IQCJ: variants seen among roughly 807,000 people sequenced by gnomAD.
IQCJ encodes the protein IQ domain-containing protein J.
In IQCJ, 9 loss-of-function variants were observed where a neutral mutation model predicts 11.0. That is an observed-to-expected ratio of 0.82 (90% CI 0.49 to 1.43). The LOEUF is 1.43. IQCJ is among the 40% of genes most tolerant of loss of function. IQCJ has a pLI of 0.00. For missense variants in IQCJ, 146 were observed against 133.2 expected (o/e 1.10, Z -0.47); for synonymous variants, 55 against 51.3 (o/e 1.07, Z -0.31).
chr3:159,116,164 G>A (rs902144842), intron 1 of IQCJ, among the ~76,000 whole-genome samples: 1 of 152,078 alleles, frequency 6.6e-6, no homozygotes, highest in African/African-American at 2.4e-5. Context: ...GAGCCTGGGA[G>A]GTCAGGTTGT....
chr3:159,166,265 T>C (rs902471698), intron 1 of IQCJ, among the ~76,000 whole-genome samples: 4 of 152,220 alleles, frequency 2.6e-5, no homozygotes, highest in Admixed American at 2.6e-4. Context: ...CATCCATTTC[T>C]GTTTCCTGCT....
intron 3 of IQCJ, among the ~76,000 whole-genome samples, chr3:159,255,452 TG>T (rs1727843700): frequency 6.6e-6 from 1 of 152,156 alleles, no homozygotes; most frequent in African/African-American, 2.4e-5. Context: ...AATCCCAGGA[TG>T]GGGTCAGAAT....
intron 2 of IQCJ, among the ~76,000 whole-genome samples, chr3:159,248,758 T>C (rs1450322368): frequency 6.6e-6 from 1 of 152,230 alleles, no homozygotes; most frequent in Non-Finnish European, 1.5e-5. Context: ...TTTCACTTAT[T>C]CAATAATCTC....
chr3:159,132,049 G>A (rs915358585), intron 1 of IQCJ, among the ~76,000 whole-genome samples: 1 of 152,072 alleles, frequency 6.6e-6, no homozygotes, highest in Non-Finnish European at 1.5e-5. Context: ...CTGACCCATA[G>A]ATCCTCACCC....
intron 1 of IQCJ, among the ~76,000 whole-genome samples, chr3:159,199,335 T>G (rs1724177768): frequency 6.6e-6 from 1 of 152,158 alleles, no homozygotes; most frequent in Non-Finnish European, 1.5e-5. Context: ...TGATGCACTA[T>G]TGTCTTTAAA....
intron 1 of IQCJ, among the ~76,000 whole-genome samples, chr3:159,118,878 G>A (rs1462291323): frequency 6.6e-6 from 1 of 152,130 alleles, no homozygotes. Context: ...TTGATAAAAT[G>A]ATCATTATCA....
chr3:159,235,380 T>C (rs1321176405), intron 1 of IQCJ, among the ~76,000 whole-genome samples: 1 of 152,218 alleles, frequency 6.6e-6, no homozygotes, highest in Non-Finnish European at 1.5e-5. Flanking sequence ...CTTCATTCTA[T>C]AATGATAGTT....
At chr3:159,071,037 T>C (rs1200728613) in intron 1 of IQCJ, among the ~76,000 whole-genome samples, 10 of 152,032 alleles carry the variant, frequency 6.6e-5, no homozygotes, top group Admixed American at 6.6e-4. Flanking sequence ...ACAATAAAAA[T>C]GAATATTATT....
chr3:159,237,177 T>A (rs1726642124), intron 1 of IQCJ, among the ~76,000 whole-genome samples: 1 of 152,244 alleles, frequency 6.6e-6, no homozygotes, highest in Admixed American at 6.5e-5. Context: ...TGAACAAGTG[T>A]ACTTTAGAGA....
intron 1 of IQCJ, among the ~76,000 whole-genome samples, chr3:159,084,249 T>TA (rs3029980): frequency 0.2 from 29,522 of 149,576 alleles, 5,664 homozygotes; most frequent in African/African-American, 0.49. Flanking sequence ...TAAAAATAAG[T>TA]AAAAAAAAAA....
chr3:159,228,206 A>G (rs1725971446), intron 1 of IQCJ, among the ~76,000 whole-genome samples: 1 of 152,204 alleles, frequency 6.6e-6, no homozygotes, highest in African/African-American at 2.4e-5. Flanking sequence ...TGTCTAAAAG[A>G]TGTAATAGTA....
intron 2 of IQCJ, among the ~76,000 whole-genome samples, chr3:159,247,243 C>T (rs1432301571): frequency 3.3e-5 from 5 of 152,202 alleles, no homozygotes; most frequent in East Asian, 1.9e-4. Flanking sequence ...ATTACAGGCA[C>T]GTGCCACCAC....
chr3:159,083,946 A>G (rs1174016521), intron 1 of IQCJ, among the ~76,000 whole-genome samples: 1 of 152,106 alleles, frequency 6.6e-6, no homozygotes, highest in Non-Finnish European at 1.5e-5. Context: ...AAAGGGTAAA[A>G]GGAGGGATCC....
At chr3:159,248,193 C>T (rs1044189834) in intron 2 of IQCJ, among the ~76,000 whole-genome samples, 1 of 152,122 alleles carries the variant, frequency 6.6e-6, no homozygotes, top group Non-Finnish European at 1.5e-5. Flanking sequence ...TTAAATGAGA[C>T]AGCCCATAAT....
At chr3:159,210,682 T>C (rs748481010) in intron 1 of IQCJ, among the ~76,000 whole-genome samples, 11 of 152,212 alleles carry the variant, frequency 7.2e-5, no homozygotes, top group Non-Finnish European at 1.3e-4. Flanking sequence ...GATCACTTTT[T>C]TCTTTGAGAC....
intron 1 of IQCJ, among the ~76,000 whole-genome samples, chr3:159,167,450 C>G (rs956509772): frequency 6.6e-6 from 1 of 151,932 alleles, no homozygotes; most frequent in African/African-American, 2.4e-5. Context: ...TTTAGTGCAC[C>G]CTGCTAAATG....
intron 1 of IQCJ, among the ~76,000 whole-genome samples, chr3:159,147,420 C>T (rs1031501924): frequency 1.2e-4 from 19 of 152,150 alleles, no homozygotes; most frequent in East Asian, 7.7e-4. Flanking sequence ...TAATAGGTTA[C>T]GTTTTCAGAT....
chr3:159,221,325 T>C (rs1196304545), intron 1 of IQCJ, among the ~76,000 whole-genome samples: 1 of 152,104 alleles, frequency 6.6e-6, no homozygotes, highest in East Asian at 1.9e-4. Context: ...TGGCATGAAG[T>C]AGCTGCTACA....
intron 1 of IQCJ, among the ~76,000 whole-genome samples, chr3:159,232,051 A>G (rs185456783): frequency 2.0e-5 from 3 of 152,056 alleles, no homozygotes; most frequent in African/African-American, 7.2e-5. Flanking sequence ...CTAGTGGTCT[A>G]TCTATTTTGT....
Sources: gnomAD v4.1 joint callset for allele counts (sites outside exome capture counted in the v4.1 genomes callset) on GRCh38, gnomAD v4.1.1 for gene constraint, MANE v1.5 for transcripts, NCBI Gene and HGNC (gene_info 2026-07-23, HGNC 2026-07-21) for gene names.